Variants in RANBP2 observed in about 807,000 individuals in gnomAD.
RANBP2 encodes the protein RAN binding protein 2.
In RANBP2, 57 loss-of-function variants were observed where a neutral mutation model predicts 303.6. That is an observed-to-expected ratio of 0.19 (90% confidence interval 0.15 to 0.23). The LOEUF is 0.23. Ranked by LOEUF, RANBP2 falls within the 10% of genes least tolerant of loss-of-function variation. The pLI is 1.00. For missense variants in RANBP2, 3,138 were observed against 3,780.8 expected (o/e 0.83, Z 4.46); for synonymous variants, 1,167 against 1,301.5 (o/e 0.90, Z 2.23).
At chr2:109,440,333 C>T in the RANBP2 span, among the ~76,000 whole-genome samples, 51 of 152,256 alleles carry the variant, frequency 3.3e-4, no homozygotes, top group East Asian at 1.5e-3. Flanking sequence ...GGCCCATGGA[C>T]GCTGGAATAC....
At chr2:109,140,676 C>T in the RANBP2 span, among the ~76,000 whole-genome samples, 16 of 152,224 alleles carry the variant, frequency 1.1e-4, no homozygotes, top group East Asian at 3.9e-4. Flanking sequence ...CCACCATGCC[C>T]GGCCAATTTC....
the RANBP2 span, among the ~76,000 whole-genome samples, chr2:109,389,903 G>A: frequency 6.6e-6 from 1 of 152,154 alleles, no homozygotes; most frequent in African/African-American, 2.4e-5. Context: ...TCTTTGGGTG[G>A]AGCGGCCATC....
the RANBP2 span, among the ~76,000 whole-genome samples, chr2:109,205,649 C>A: frequency 2.3e-4 from 35 of 152,262 alleles, no homozygotes; most frequent in East Asian, 6.8e-3. Context: ...TCACATGGCT[C>A]AGTCTGTTGG....
the RANBP2 span, chr2:108,897,280 A>C: frequency 6.7e-7 from 1 of 1,500,024 alleles, no homozygotes; most frequent in Non-Finnish European, 9.2e-7. Flanking sequence ...AGTCAATAGA[A>C]GGTCAACACT....
chr2:109,613,278 G>C, the RANBP2 span: 1 of 845,632 alleles, frequency 1.2e-6, no homozygotes. Context: ...GAGTACAAAA[G>C]AGTCAAGGCG....
At chr2:109,059,131 C>CA in the RANBP2 span, among the ~76,000 whole-genome samples, 2 of 152,112 alleles carry the variant, frequency 1.3e-5, no homozygotes, top group African/African-American at 4.8e-5. Context: ...GACCCTCCTC[C>CA]ACAGCTTGGA....
chr2:108,804,878 TCTC>T, the RANBP2 span: 91,138 of 1,499,470 alleles, frequency 0.061, 2,778 homozygotes, highest in South Asian at 0.13. Flanking sequence ...GTTTTTTTTT[TCTC>T]CTCCTAGCAG....
chr2:109,564,343 G>C, the RANBP2 span: 1 of 1,496,784 alleles, frequency 6.7e-7, no homozygotes, highest in Non-Finnish European at 9.0e-7. Flanking sequence ...TCTTTGGTTG[G>C]CTTCCCAAGA....
chr2:109,234,215 T>C, the RANBP2 span, among the ~76,000 whole-genome samples: 3 of 152,186 alleles, frequency 2.0e-5, no homozygotes, highest in African/African-American at 7.2e-5. Context: ...GAATTTGTTA[T>C]TAGTCAGTTA....
chr2:109,079,648 T>C, the RANBP2 span, among the ~76,000 whole-genome samples: 1 of 152,140 alleles, frequency 6.6e-6, no homozygotes, highest in East Asian at 1.9e-4. Flanking sequence ...GGACTGTCAA[T>C]TGAGAAGCTC....
chr2:109,005,503 C>A, the RANBP2 span, among the ~76,000 whole-genome samples: 2 of 152,148 alleles, frequency 1.3e-5, no homozygotes, highest in Non-Finnish European at 2.9e-5. Context: ...TCCCTTCCAC[C>A]CTGTCTGCAG....
chr2:109,664,613 A>G, the RANBP2 span, among the ~76,000 whole-genome samples: 2 of 151,744 alleles, frequency 1.3e-5, no homozygotes, highest in Non-Finnish European at 2.9e-5. Context: ...TAAAATAAGT[A>G]AATAAATAAA....
At chr2:109,580,882 C>T in the RANBP2 span, among the ~76,000 whole-genome samples, 4 of 152,132 alleles carry the variant, frequency 2.6e-5, no homozygotes, top group South Asian at 8.3e-4. Context: ...CAGCGCCTGG[C>T]CATTCACTGA....
chr2:109,219,306 A>AT, the RANBP2 span, among the ~76,000 whole-genome samples: 56,202 of 152,026 alleles, frequency 0.37, 11,720 homozygotes, highest in East Asian at 0.8. Context: ...ATTTTGTGTA[A>AT]TTACATAAGG....
At chr2:109,471,084 T>C in the RANBP2 span, among the ~76,000 whole-genome samples, 1 of 151,874 alleles carries the variant, frequency 6.6e-6, no homozygotes, top group East Asian at 1.9e-4. Context: ...GTTGGGTGTG[T>C]TGGCAGGTGC....
the RANBP2 span, among the ~76,000 whole-genome samples, chr2:109,716,328 T>C: frequency 1.3e-5 from 2 of 152,166 alleles, no homozygotes; most frequent in East Asian, 3.8e-4. Context: ...CTGAGCTCAC[T>C]GCAACCTCTG....
chr2:109,123,576 A>G, the RANBP2 span, among the ~76,000 whole-genome samples: 2 of 152,218 alleles, frequency 1.3e-5, no homozygotes, highest in African/African-American at 4.8e-5. Flanking sequence ...TGTAAAATAT[A>G]GACTCAAGTC....
At chr2:109,165,240 T>C in the RANBP2 span, among the ~76,000 whole-genome samples, 4 of 152,278 alleles carry the variant, frequency 2.6e-5, no homozygotes, top group East Asian at 7.7e-4. Flanking sequence ...CTTTACTAGG[T>C]GTATCAAGAA....
At chr2:108,789,237 G>A (rs1054662594), downstream of RANBP2, among the ~76,000 whole-genome samples, 5 of 152,136 alleles carry the variant, frequency 3.3e-5, no homozygotes, top group African/African-American at 1.2e-4. Flanking sequence ...ATATTTTTAT[G>A]GTTATTCATT....
Sources: gnomAD v4.1 joint callset for allele counts (sites outside exome capture counted in the v4.1 genomes callset) on GRCh38, gnomAD v4.1.1 for gene constraint, MANE v1.5 for transcripts, NCBI Gene and HGNC (gene_info 2026-07-23, HGNC 2026-07-21) for gene names.